The following TSNARE1 variants were observed in gnomAD, a reference collection of about 807,000 sequenced individuals.
The protein encoded by TSNARE1 is t-SNARE domain containing 1.
A neutral mutation model predicts 62.0 loss-of-function variants in TSNARE1; 49 were observed. The observed-to-expected ratio is 0.79, with a 90% CI of 0.63 to 1.00. TSNARE1 has a LOEUF of 1.00. TSNARE1 is among the 50% of genes least tolerant of loss of function. TSNARE1 has a pLI of 0.00. For synonymous variants in TSNARE1, 328 were observed against 294.4 expected (o/e 1.11, Z -1.17); for missense variants, 755 against 700.1 (o/e 1.08, Z -0.88).
chr8:142,301,697 G>T (rs1012950049), intron 9 of TSNARE1, among the ~76,000 whole-genome samples: 1 of 152,206 alleles, frequency 6.6e-6, no homozygotes, highest in South Asian at 2.1e-4. Flanking sequence ...ACAGGAAAAG[G>T]CACCGAGAAT....
At chr8:142,305,333 T>C (rs1826481993) in intron 9 of TSNARE1, among the ~76,000 whole-genome samples, 1 of 130,730 alleles carries the variant, frequency 7.6e-6, no homozygotes, top group Non-Finnish European at 1.6e-5. Flanking sequence ...CTCAGGAGGA[T>C]AGGGGAGGGC....
At chr8:142,327,847 G>A (rs1023433520) in intron 6 of TSNARE1, among the ~76,000 whole-genome samples, 10 of 152,160 alleles carry the variant, frequency 6.6e-5, no homozygotes, top group Non-Finnish European at 1.5e-4. Context: ...CACACCTCAC[G>A]CGGAGCAGCA....
At chr8:142,308,168 CCT>C (rs1194928287) in intron 9 of TSNARE1, among the ~76,000 whole-genome samples, 5 of 152,174 alleles carry the variant, frequency 3.3e-5, no homozygotes, top group African/African-American at 9.6e-5. Flanking sequence ...GTACAAACGC[CCT>C]GTCTTGTGCT....
At position 142,403,135 on chromosome 8, in the gene TSNARE1, G is replaced by A. The variant is rs1838429045; in HGVS notation, c.-71C>T. On this transcript the variant is annotated 5_prime_UTR_variant, in exon 1 of 14. Transcript: ENST00000524325. Reference sequence around the variant, plus strand: ...CTCGGTGGCTCGCGGACCGCTCCGGGCGCTCACGGCGGGCGAGGCGGGCGG... The same window carrying A: ...CTCGGTGGCTCGCGGACCGCTCCGGACGCTCACGGCGGGCGAGGCGGGCGG... The A allele has an allele frequency of 6.7e-6, 1 of 148,784 alleles. No homozygotes were observed. The highest frequency in any genetic ancestry group is 6.7e-5 in the Admixed American group (1 of 14,972). The allele number at this position is 148,784 out of a possible 1,614,324, so 9.2% of individuals were successfully genotyped here.
chr8:142,306,138 C>G (rs1386784679), intron 9 of TSNARE1, among the ~76,000 whole-genome samples: 1 of 152,226 alleles, frequency 6.6e-6, no homozygotes, highest in Non-Finnish European at 1.5e-5. Context: ...TATTTATTCA[C>G]TGGTGGAGTC....
intron 4 of TSNARE1, among the ~76,000 whole-genome samples, chr8:142,340,660 G>A (rs1832457914): frequency 6.6e-6 from 1 of 152,250 alleles, no homozygotes; most frequent in East Asian, 1.9e-4. Context: ...CCCAGAGCTG[G>A]GAAAGGCAGG....
intron 13 of TSNARE1, among the ~76,000 whole-genome samples, chr8:142,218,883 A>C (rs1203033631): frequency 6.6e-6 from 1 of 152,238 alleles, no homozygotes; most frequent in South Asian, 2.1e-4. Flanking sequence ...TAACTTAATT[A>C]TTCAATTTAT....
intron 10 of TSNARE1, among the ~76,000 whole-genome samples, chr8:142,296,793 G>A (rs576526959): frequency 9.2e-5 from 14 of 152,126 alleles, no homozygotes; most frequent in Middle Eastern, 3.4e-3. Flanking sequence ...GGTGGGTCTC[G>A]GCGGTCCCCA....
chr8:142,330,940 A>G lies in TSNARE1; in HGVS notation c.854T>C (p.Leu285Ser). 6.2e-7 allele frequency: 1 copy of G among 1,614,042 alleles called. No homozygotes were observed. The highest frequency in any genetic ancestry group is 2.2e-5 in the East Asian group (1 of 44,880). ...CTCCTGCGTGTCACTCGGTGTCCCT[A>G]AGGACTGAAGGCTCCGCTCCAAGGA... ...VTSLERSLQS[L>S]GTPSDTQELR... is the part of the protein sequence containing the mutation. The change falls in exon 6 of 14, where the codon TTA becomes TCA. Residue 285 changes from leucine to serine, a missense_variant. By Grantham distance (145) the Leu-to-Ser change is moderately radical (BLOSUM62 -2). Transcript: ENST00000524325.
At chr8:142,372,899 T>A (rs1233459711) in intron 1 of TSNARE1, among the ~76,000 whole-genome samples, 1 of 151,420 alleles carries the variant, frequency 6.6e-6, no homozygotes, top group Non-Finnish European at 1.5e-5. Context: ...CCAGTGCTGT[T>A]TCCTTCCCTG....
At chr8:142,378,826 G>A (rs1316951089) in intron 1 of TSNARE1, among the ~76,000 whole-genome samples, 4 of 152,170 alleles carry the variant, frequency 2.6e-5, no homozygotes, top group African/African-American at 4.8e-5. Context: ...CAACGGGCAC[G>A]GGTGTGTTGC....
intron 4 of TSNARE1, among the ~76,000 whole-genome samples, chr8:142,340,469 G>A (rs1425484498): frequency 2.0e-5 from 3 of 152,324 alleles, no homozygotes; most frequent in Middle Eastern, 3.4e-3. Context: ...TAGGGCCAGG[G>A]CTCCCTTTTG....
intron 9 of TSNARE1, among the ~76,000 whole-genome samples, chr8:142,308,261 G>C (rs545698489): frequency 3.5e-4 from 53 of 152,294 alleles, no homozygotes; most frequent in South Asian, 8.3e-4. Context: ...TTGTGCGTCT[G>C]TGTAAGAAAT....
Position 142,315,070 on chromosome 8 carries a change from C to A in TSNARE1, c.1007G>T (p.Arg336Leu), listed in dbSNP as rs777694762. Residue 336 changes from arginine (R) to leucine (L), a missense_variant, in exon 8 of 14, where the codon CGT (arginine) becomes CTT (leucine). Arg to Leu is a moderately radical substitution (Grantham distance 102). Coordinates refer to ENST00000524325, the MANE Select transcript of TSNARE1 (RefSeq NM_145003.5). ...SCPQERLQQE[R>L]PQLDRLKTQL... ...GGTTTTCAGCCGGTCCAGCTGAGGA[C>A]GCTCCTGCTGCAGACGCTCCTGCTG... is the stretch of plus-strand genomic sequence containing the variant. 3 of 1,613,948 alleles carry A rather than the reference C, an allele frequency of 1.9e-6. No individual in the cohort carries two copies. The highest frequency in any genetic ancestry group is 1.7e-6 in the Non-Finnish European group (2 of 1,179,928).
At chr8:142,236,435 C>T (rs1214918156) in intron 12 of TSNARE1, among the ~76,000 whole-genome samples, 1 of 151,936 alleles carries the variant, frequency 6.6e-6, no homozygotes, top group Non-Finnish European at 1.5e-5. Context: ...CTTCCTGCAC[C>T]AAGTATCCGC....
intron 1 of TSNARE1, among the ~76,000 whole-genome samples, chr8:142,370,617 C>T (rs1205540170): frequency 6.6e-6 from 1 of 151,856 alleles, no homozygotes; most frequent in Non-Finnish European, 1.5e-5. Context: ...GCTCAGAGAA[C>T]ACTACAGAAA....
intron 1 of TSNARE1, among the ~76,000 whole-genome samples, chr8:142,371,449 C>T (rs192985598): frequency 1.2e-4 from 19 of 152,220 alleles, no homozygotes; most frequent in Admixed American, 7.9e-4. Flanking sequence ...TGGTGATGCA[C>T]GACTGTACAA....
intron 6 of TSNARE1, among the ~76,000 whole-genome samples, chr8:142,322,640 A>G (rs552907029): frequency 3.3e-5 from 5 of 152,364 alleles, no homozygotes; most frequent in African/African-American, 1.2e-4. Flanking sequence ...AGAGGAGAGG[A>G]ACACAAATAA....
At chr8:142,395,087 G>C (rs867068836) in intron 1 of TSNARE1, among the ~76,000 whole-genome samples, 2 of 152,138 alleles carry the variant, frequency 1.3e-5, no homozygotes, top group African/African-American at 2.4e-5. Context: ...GGCAGGGAAG[G>C]GGGGCGGCCC....
Sources: allele counts gnomAD v4.1 joint callset (sites outside exome capture counted in the v4.1 genomes callset), GRCh38; gene constraint gnomAD v4.1.1; transcripts MANE v1.5; gene names NCBI Gene and HGNC (gene_info 2026-07-23, HGNC 2026-07-21).